FRMD4A: variants seen among roughly 807,000 people sequenced by gnomAD.
FRMD4A encodes FERM domain containing 4A, also known as FERM domain-containing protein 4A.
A neutral mutation model predicts 129.1 loss-of-function variants in FRMD4A; 29 were observed. The ratio of observed to expected loss-of-function variants is 0.22; its 90% confidence interval spans 0.17 to 0.31. The LOEUF (loss-of-function observed/expected upper bound fraction) is 0.31. Among genes scored for constraint, FRMD4A ranks in the 10% least tolerant of loss-of-function variants. The pLI, the probability that FRMD4A is intolerant of heterozygous loss-of-function variation, is 1.00. For synonymous variants in FRMD4A, 634 were observed against 571.6 expected (o/e 1.11, Z -1.56); for missense variants, 1,272 against 1,375.8 (o/e 0.92, Z 1.19).
At chr10:14,236,928 A>G (rs1843837683) in intron 2 of FRMD4A, among the ~76,000 whole-genome samples, 1 of 145,992 alleles carries the variant, frequency 6.8e-6, no homozygotes, top group Non-Finnish European at 1.5e-5. Flanking sequence ...CCTATATTTT[A>G]AGAGTTTATG....
intron 2 of FRMD4A, among the ~76,000 whole-genome samples, chr10:14,025,283 C>A (rs1204009828): frequency 6.6e-6 from 1 of 150,476 alleles, no homozygotes; most frequent in Non-Finnish European, 1.5e-5. Flanking sequence ...TTCTCCTTTT[C>A]TGCTTCCAAA....
In FRMD4A at chr10:14,042,385, C is replaced by T. The variant is rs117528389; in HGVS notation, c.46-183473G>A. ...GACAAATACAGAATGTGAGGTCCCG[C>T]TCCAGCCAATAGAAACCAGACACAG... On this transcript the variant is annotated intron_variant, in intron 2 of 24. Coordinates refer to ENST00000357447, the MANE Select transcript of FRMD4A (RefSeq NM_018027.5). 2.4e-3 allele frequency among the ~76,000 whole-genome samples: 367 copies of T among 152,296 alleles called. 2 individuals are homozygous for T. The highest frequency in any genetic ancestry group is 4.1e-3 in the Non-Finnish European group (277 of 68,030).
chr10:14,223,636 G>A (rs536439383), intron 2 of FRMD4A, among the ~76,000 whole-genome samples: 7 of 152,062 alleles, frequency 4.6e-5, no homozygotes, highest in Admixed American at 2.0e-4. Context: ...AGCTGCTCGG[G>A]AGGCTGAGGT....
intron 2 of FRMD4A, among the ~76,000 whole-genome samples, chr10:14,018,331 C>T (rs2095705640): frequency 6.6e-6 from 1 of 151,296 alleles, no homozygotes; most frequent in Admixed American, 6.6e-5. Flanking sequence ...TGGCAGGCGT[C>T]TGTAGTCCCA....
chr10:13,981,738 C>CA (rs55829400), intron 2 of FRMD4A, among the ~76,000 whole-genome samples: 2,836 of 97,218 alleles, frequency 0.029, 118 homozygotes, highest in Non-Finnish European at 0.04. Context: ...GACTCCGTGT[C>CA]AAAAAAAAAA....
intron 2 of FRMD4A, among the ~76,000 whole-genome samples, chr10:14,253,676 G>A (rs907005935): frequency 1.3e-5 from 2 of 152,168 alleles, no homozygotes; most frequent in Non-Finnish European, 2.9e-5. Flanking sequence ...TTCTTCACTG[G>A]AGTGTGGCAG....
intron 2 of FRMD4A, among the ~76,000 whole-genome samples, chr10:14,106,481 A>AC (rs1476800585): frequency 6.6e-6 from 1 of 152,228 alleles, no homozygotes; most frequent in East Asian, 1.9e-4. Context: ...AAATTGGGAC[A>AC]TTTAAAGTAT....
At chr10:14,150,572 A>T (rs922313889) in intron 2 of FRMD4A, among the ~76,000 whole-genome samples, 1 of 152,138 alleles carries the variant, frequency 6.6e-6, no homozygotes, top group Non-Finnish European at 1.5e-5. Context: ...CTATCTCATC[A>T]GCAGTTCCTA....
At chr10:14,205,320 A>G (rs140208576) in intron 2 of FRMD4A, among the ~76,000 whole-genome samples, 3 of 152,116 alleles carry the variant, frequency 2.0e-5, no homozygotes, top group African/African-American at 7.2e-5. Context: ...GATGCAGAAC[A>G]TGTCCATCAT....
intron 2 of FRMD4A, among the ~76,000 whole-genome samples, chr10:13,869,350 C>T (rs920400247): frequency 5.9e-5 from 9 of 152,244 alleles, no homozygotes; most frequent in African/African-American, 1.7e-4. Flanking sequence ...GGAACTCCTA[C>T]CCACAGCTCA....
chr10:13,883,017 T>A (rs1439693721), intron 2 of FRMD4A, among the ~76,000 whole-genome samples: 2 of 151,660 alleles, frequency 1.3e-5, no homozygotes, highest in East Asian at 4.0e-4. Context: ...TTGGCCAGGC[T>A]GGTCTCGAAC....
At chr10:13,870,106 T>C (rs17154115) in intron 2 of FRMD4A, among the ~76,000 whole-genome samples, 7,715 of 152,264 alleles carry the variant, frequency 0.051, 408 homozygotes, top group African/African-American at 0.14. Context: ...GAGGGAGTGC[T>C]GTGCAGTCTG....
rs982931604 is a variant in FRMD4A, at chr10:14,152,692, T to C, written c.45+177366A>G. Among the ~76,000 whole-genome samples, 29 of 152,002 alleles carry C rather than the reference T, an allele frequency of 1.9e-4. 1 individual carries two copies. Among genetic ancestry groups the C allele is most frequent in the Admixed American group, 1.9e-3 (29 of 15,250 alleles). On this transcript the variant is annotated intron_variant, in intron 2 of 24. Coordinates refer to ENST00000357447, the MANE Select transcript of FRMD4A (RefSeq NM_018027.5). The stretch of plus-strand genomic sequence containing the variant: ...TCTCTACAAACAAAATTTTTAAAAT[T>C]AGCTGGGCATGGTGGTATGTGTCTT...
At chr10:14,060,858 C>T (rs1368825318) in intron 2 of FRMD4A, among the ~76,000 whole-genome samples, 1 of 152,012 alleles carries the variant, frequency 6.6e-6, no homozygotes, top group Non-Finnish European at 1.5e-5. Context: ...AGCATAATAA[C>T]AAAGCCAAAA....
chr10:13,737,594 C>G (rs571013856), intron 12 of FRMD4A, among the ~76,000 whole-genome samples: 1 of 152,156 alleles, frequency 6.6e-6, no homozygotes, highest in African/African-American at 2.4e-5. Flanking sequence ...CTGGGGAGAA[C>G]TGAGCCAGTC....
At chr10:13,817,096 T>A (rs184664315) in intron 3 of FRMD4A, among the ~76,000 whole-genome samples, 1 of 152,318 alleles carries the variant, frequency 6.6e-6, no homozygotes, top group East Asian at 1.9e-4. Flanking sequence ...CTTGCAAACA[T>A]CCCTCCTTAA....
rs2086823094 is a variant in FRMD4A, at chr10:13,701,461, C to G, written c.854G>C (p.Arg285Thr). 1.2e-6 allele frequency: 2 copies of G among 1,613,616 alleles called. No homozygotes were observed. The highest frequency in any genetic ancestry group is 1.7e-6 in the Non-Finnish European group (2 of 1,179,702). The change falls in exon 14 of 25, where the codon AGG becomes ACG. Residue 285 changes from arginine (R) to threonine (T), a missense_variant. Arg to Thr is a moderately conservative substitution (Grantham distance 71). Coordinates refer to ENST00000357447, the MANE Select transcript of FRMD4A (RefSeq NM_018027.5). ...TGCAATGCCGCTGTGCCCAAACGTC[C>G]TCCTTGTCACTGAAGCCCTGGGGAA... ...HDPRRASVTR[R>T]TFGHSGIAVH... is the part of the protein sequence containing the mutation.
intron 14 of FRMD4A, among the ~76,000 whole-genome samples, chr10:13,695,525 T>C (rs2086139002): frequency 6.6e-6 from 1 of 152,234 alleles, no homozygotes; most frequent in South Asian, 2.1e-4. Flanking sequence ...CACACGTGTG[T>C]CCAATGTTTG....
intron 2 of FRMD4A, among the ~76,000 whole-genome samples, chr10:14,021,591 A>T (rs1036622527): frequency 1.3e-5 from 2 of 151,970 alleles, no homozygotes; most frequent in Non-Finnish European, 2.9e-5. Context: ...ATAAAAATAA[A>T]TAAATAAAAA....
Sources: gnomAD v4.1 joint callset for allele counts (sites outside exome capture counted in the v4.1 genomes callset) on GRCh38, gnomAD v4.1.1 for gene constraint, MANE v1.5 for transcripts, NCBI Gene and HGNC (gene_info 2026-07-23, HGNC 2026-07-21) for gene names.